The following MIOS variants were observed in gnomAD, a reference collection of about 807,000 sequenced individuals.
MIOS encodes the protein meiosis regulator for oocyte development, also known as GATOR2 complex protein MIOS.
In MIOS, 52 loss-of-function variants were observed where a neutral mutation model predicts 96.9. That is an observed-to-expected ratio of 0.54 (90% CI 0.43 to 0.68). The LOEUF (loss-of-function observed/expected upper bound fraction) is 0.68, where lower values mean the gene tolerates loss of function less well. Ranked by LOEUF, MIOS falls within the 30% of genes least tolerant of loss-of-function variation. The pLI is 0.00. For missense variants in MIOS, 1,005 were observed against 1,052.8 expected, an observed-to-expected ratio of 0.95 and a Z score of 0.63; for synonymous variants, 397 against 359.5, an observed-to-expected ratio of 1.10 and a Z score of -1.18.
At position 7,589,414 on chromosome 7, in the gene MIOS, T is replaced by A. The variant is rs1295902586; in HGVS notation, c.1894T>A (p.Tyr632Asn). The part of the protein sequence containing the change: ...KFLSDTQLNR[Y>N]IEKLTNEMKE... ...ACTTTAAATTTTCCAGTTAAATAGA[T>A]ACATCGAAAAGTTGACCAATGAAAT... Residue 632 changes from tyrosine to asparagine, a missense_variant, in exon 9 of 13, where the codon TAC becomes AAC. By Grantham distance (143) the Tyr-to-Asn change is moderately radical. Transcript: ENST00000340080. 2 of 1,613,076 alleles carry A rather than the reference T, an allele frequency of 1.2e-6. No individual in the cohort carries two copies. Among genetic ancestry groups the A allele is most frequent in the Non-Finnish European group, 1.7e-6 (2 of 1,179,446 alleles).
intron 11 of MIOS, among the ~76,000 whole-genome samples, chr7:7,598,906 AT>A (rs534999112): frequency 1.4e-4 from 22 of 152,122 alleles, no homozygotes; most frequent in Admixed American, 2.6e-4. Context: ...TTGTTATAGA[AT>A]TTTTTTCCAT....
Position 7,588,521 on chromosome 7 carries a change from T to G in MIOS, c.1842T>G (p.Arg614=). Residue 614 remains arginine, a synonymous_variant, in exon 8 of 13, where the codon CGT becomes CGG. Transcript: ENST00000340080. The part of the protein sequence containing the change: ...GVLYENKVAV[R]DRVAFACKFL... ...AGTATGAAAACAAAGTTGCAGTACG[T>G]GACAGAGTGGCATTTGCTTGTAAAT... 6.3e-7 allele frequency: 1 copy of G among 1,594,210 alleles called. No homozygotes were observed. The highest frequency in any genetic ancestry group is 8.6e-7 in the Non-Finnish European group (1 of 1,169,160).
chr7:7,583,316 A>C lies in MIOS; in HGVS notation c.1592A>C (p.Asn531Thr), dbSNP rs779925964. Residue 531 changes from asparagine (N) to threonine (T), a missense_variant, in exon 6 of 13, where the codon AAC becomes ACC. Physicochemically the swap from Asn to Thr is moderately conservative, Grantham distance 65 (BLOSUM62 0). Transcript: ENST00000340080. ...AGAGCTGCTGCTGTGGCATTGTTCAACTTGGATATTCGCCGAGCAATCCAA... is the reference window on the plus strand; with the variant it reads ...AGAGCTGCTGCTGTGGCATTGTTCACCTTGGATATTCGCCGAGCAATCCAA... ...WERAAAVALFNLDIRRAIQIL... is the reference protein window; with the variant it reads ...WERAAAVALFTLDIRRAIQIL... 1 of 1,614,002 alleles carries C rather than the reference A, an allele frequency of 6.2e-7. No homozygotes were observed. The highest frequency in any genetic ancestry group is 2.2e-5 in the East Asian group (1 of 44,862).
intron 6 of MIOS, among the ~76,000 whole-genome samples, 189 bp downstream of exon 6, chr7:7,583,561 G>T (rs886229742): frequency 2.0e-5 from 3 of 151,854 alleles, no homozygotes; most frequent in Non-Finnish European, 4.4e-5. Context: ...CTTATGCCTT[G>T]GTTTAGGGCT....
Position 7,596,412 on chromosome 7 carries a change from A to T in MIOS, c.2352A>T (p.Arg784=). 6.2e-7 allele frequency: 1 copy of T among 1,614,128 alleles called. No homozygotes were observed. The highest frequency in any genetic ancestry group is 8.5e-7 in the Non-Finnish European group (1 of 1,180,018). Residue 784 remains arginine (R), a synonymous_variant, in exon 11 of 13, where the codon CGA becomes CGT. Transcript: ENST00000340080. ...CTGGCTGTCGAAAACCACTTCCTCG[A>T]TGTGCGCTTTGTCTCATTAATATGG... ...SCPGCRKPLP[R]CALCLINMGT... is the part of the protein sequence containing the mutation.
rs1461423161 is a variant in MIOS at position 7,596,562 on chromosome 7, T to C, written c.2401+101T>C. 4 of 1,186,764 alleles carry C rather than the reference T, an allele frequency of 3.4e-6. No individual in the cohort carries two copies. The African/African-American group carries it at 6.1e-5, about 18-fold the overall frequency. 73.5% of individuals were successfully genotyped at this position (1,186,764 alleles called of 1,614,324 possible). A position where few individuals can be genotyped will look rare whatever the true frequency, so the allele number is the denominator to read the frequency against. On this transcript the variant is annotated intron_variant, in intron 11 of 12. Coordinates refer to ENST00000340080, the MANE Select transcript of MIOS (RefSeq NM_019005.4). ...ATACAAACTAGCTAGAGTTATTATT[T>C]CTAAGAAAGGGCAGTTTACTAGCTT...
chr7:7,569,272 CTT>C (rs1563009283), intron 3 of MIOS, among the ~76,000 whole-genome samples: 1 of 152,120 alleles, frequency 6.6e-6, no homozygotes, highest in Non-Finnish European at 1.5e-5. Flanking sequence ...TTTTGAAACT[CTT>C]TTTAAGGTTG....
intron 5 of MIOS, among the ~76,000 whole-genome samples, chr7:7,574,514 TGTTA>T (rs1159559983): frequency 2.6e-5 from 4 of 152,152 alleles, no homozygotes; most frequent in Admixed American, 2.0e-4. Flanking sequence ...GATTACTGAT[TGTTA>T]GTTCAGGTTT....
intron 5 of MIOS, among the ~76,000 whole-genome samples, chr7:7,574,438 A>T (rs1167590543): frequency 6.6e-6 from 1 of 152,112 alleles, no homozygotes; most frequent in African/African-American, 2.4e-5. Flanking sequence ...AAATCTATCC[A>T]CACGTTTATT....
intron 3 of MIOS, among the ~76,000 whole-genome samples, chr7:7,569,328 G>T (rs1163451179): frequency 6.6e-6 from 1 of 152,134 alleles, no homozygotes; most frequent in Non-Finnish European, 1.5e-5. Context: ...TTAGACCAGA[G>T]ACTTCATCGG....
intron 5 of MIOS, 22 bp downstream of exon 5, chr7:7,574,218 T>C (rs1783453266): frequency 6.5e-7 from 1 of 1,532,372 alleles, no homozygotes; most frequent in African/African-American, 1.4e-5. Context: ...CTATTTCATT[T>C]TCTCCAATAT....
intron 12 of MIOS, 38 bp from the exon 13 acceptor site, chr7:7,606,958 A>G (rs753055842): frequency 7.1e-7 from 1 of 1,415,132 alleles, no homozygotes; most frequent in Non-Finnish European, 9.9e-7. Context: ...TGTCTGTCTA[A>G]TTTGGATTTT....
In MIOS at chr7:7,602,567, A is replaced by G. The variant is rs868809810; in HGVS notation, c.2402-3375A>G. ...GAACTACAAACTACTGCTCAAGGAAATAAAAGAGGATACAAACAAATGGAA... is the reference window on the plus strand; with the variant it reads ...GAACTACAAACTACTGCTCAAGGAAGTAAAAGAGGATACAAACAAATGGAA... On this transcript the variant is annotated intron_variant, in intron 11 of 12. Coordinates refer to ENST00000340080, the MANE Select transcript of MIOS (RefSeq NM_019005.4). Among the ~76,000 whole-genome samples, 459 of 152,312 alleles carry G rather than the reference A, an allele frequency of 3.0e-3. 1 individual carries two copies. Among genetic ancestry groups the G allele is most frequent in the African/African-American group, 0.011 (441 of 41,568 alleles).
rs1325930206 is a variant in MIOS, at chr7:7,595,078, T to C, written c.2142T>C (p.Ala714=). Residue 714 remains alanine (A), a synonymous_variant, in exon 10 of 13, where the codon GCT becomes GCC. Transcript: ENST00000340080. ...CCTGGAGGTTTTGGCATAAACGAGC[T>C]GAATTTGATATTCACAGGAGTAAGT... The part of the protein sequence containing the change: ...LDAWRFWHKR[A]EFDIHRSKLD... 6.2e-7 allele frequency: 1 copy of C among 1,613,990 alleles called. No homozygotes were observed. Among genetic ancestry groups the C allele is most frequent in the African/African-American group, 1.3e-5 (1 of 74,926 alleles).
At chr7:7,581,920 T>C (rs950365683) in intron 5 of MIOS, 10 of 151,760 alleles carry the variant, frequency 6.6e-5, no homozygotes, top group Admixed American at 2.0e-4. Flanking sequence ...ATCTGCAAAA[T>C]GCTTTCACCT....
At chr7:7,603,099 C>T (rs1017109870) in intron 11 of MIOS, among the ~76,000 whole-genome samples, 5 of 152,160 alleles carry the variant, frequency 3.3e-5, no homozygotes, top group Non-Finnish European at 5.9e-5. Flanking sequence ...AAACGTTAGA[C>T]CTAAAACCGT....
chr7:7,593,627 C>G (rs945538967), intron 9 of MIOS, among the ~76,000 whole-genome samples: 1 of 151,974 alleles, frequency 6.6e-6, no homozygotes, highest in African/African-American at 2.4e-5. Flanking sequence ...GGCACGGTGA[C>G]TCATGCGTGT....
At position 7,572,723 on chromosome 7, in the gene MIOS, C is replaced by G; in HGVS notation, c.248C>G (p.Ala83Gly). ...DPECLLAVGQ[A>G]NGRVVLTSLG... ...GAATGTCTGCTGGCAGTTGGACAAG[C>G]AAATGGTCGAGTTGTACTTACAAGC... The change falls in exon 4 of 13, where the codon GCA becomes GGA. Residue 83 changes from alanine (A) to glycine (G), a missense_variant. Transcript: ENST00000340080. This position sits in a 1 kb window ranked among gnomAD's most constrained non-coding sequence, Gnocchi z 4.8. 6.2e-7 allele frequency: 1 copy of G among 1,614,114 alleles called. No individual in the cohort carries two copies. Among genetic ancestry groups the G allele is most frequent in the South Asian group, 1.1e-5 (1 of 91,080 alleles).
At chr7:7,597,497 T>TAA (rs1475911745) in intron 11 of MIOS, among the ~76,000 whole-genome samples, 4 of 67,536 alleles carry the variant, frequency 5.9e-5, no homozygotes, top group Non-Finnish European at 1.2e-4. Context: ...TATATATATA[T>TAA]ATATATATAT....
Sources: allele counts gnomAD v4.1 joint callset (sites outside exome capture counted in the v4.1 genomes callset), GRCh38; gene constraint gnomAD v4.1.1; non-coding constraint Gnocchi (gnomAD v3.1); transcripts MANE v1.5; gene names NCBI Gene and HGNC (gene_info 2026-07-23, HGNC 2026-07-21).